PTPN2: variants seen among roughly 807,000 people sequenced by gnomAD.
The protein encoded by PTPN2 is tyrosine-protein phosphatase non-receptor type 2.
In PTPN2, 19 loss-of-function variants were observed where a neutral mutation model predicts 57.3. The observed-to-expected ratio is 0.33, with a 90% CI of 0.23 to 0.49. The LOEUF (loss-of-function observed/expected upper bound fraction) is 0.49. PTPN2 is among the 20% of genes least tolerant of loss of function. The pLI, the probability that PTPN2 is intolerant of heterozygous loss-of-function variation, is 0.99. For missense variants in PTPN2, 358 were observed against 501.1 expected, an observed-to-expected ratio of 0.71 and a Z score of 2.73; for synonymous variants, 153 against 164.9, an observed-to-expected ratio of 0.93 and a Z score of 0.55.
At chr18:12,883,953 T>G (rs1598912948) in intron 1 of PTPN2, 120 bp downstream of exon 1, 1 of 856,196 alleles carries the variant, frequency 1.2e-6, no homozygotes, top group South Asian at 1.8e-5. Context: ...GCGCCGCCAC[T>G]TCCGCCCCGA....
At chr18:12,825,331 T>C (rs1266293508) in intron 5 of PTPN2, among the ~76,000 whole-genome samples, 5 of 152,226 alleles carry the variant, frequency 3.3e-5, no homozygotes, top group Admixed American at 3.3e-4. Context: ...TCACAGGTCC[T>C]GGGAGCTATT....
intron 5 of PTPN2, among the ~76,000 whole-genome samples, chr18:12,824,082 G>A (rs1185829567): frequency 1.3e-5 from 2 of 152,164 alleles, no homozygotes; most frequent in Admixed American, 6.5e-5. Context: ...TGGAAATACA[G>A]TTCTGTTTCT....
In PTPN2 at chr18:12,815,122, AAATAAATAAAT is replaced by A. The variant is rs1471365876; in HGVS notation, c.706-778_706-768del. On this transcript the variant is annotated intron_variant, in intron 6 of 8. Transcript: ENST00000309660. ...TAAATAAATAAATAAATAAATAAAT[AAATAAATAAAT>A]AAAAATGTGGTGGGTCACACCTGTA... Among the ~76,000 whole-genome samples the A allele has an allele frequency of 5.8e-4, 69 of 118,290 alleles. 1 individual carries two copies. Among genetic ancestry groups the A allele is most frequent in the Admixed American group, 1.2e-3 (13 of 11,030 alleles). The allele number at this position is 118,290 out of a possible 152,430, so 77.6% of individuals were successfully genotyped here.
intron 4 of PTPN2, among the ~76,000 whole-genome samples, chr18:12,828,125 G>A (rs2042543290): frequency 6.6e-6 from 1 of 152,126 alleles, no homozygotes; most frequent in African/African-American, 2.4e-5. Flanking sequence ...GAAAAAAAAA[G>A]TTGTTCAAAG....
downstream of PTPN2, among the ~76,000 whole-genome samples, chr18:12,790,328 T>G (rs961573764): frequency 5.3e-5 from 8 of 152,202 alleles, no homozygotes; most frequent in African/African-American, 1.9e-4. Flanking sequence ...TAGGTACTCA[T>G]TATGGTATAC....
rs530147614 is a variant in PTPN2, at chr18:12,858,469, T to C, written c.160+695A>G. Among the ~76,000 whole-genome samples the C allele has an allele frequency of 7.9e-5, 12 of 152,306 alleles. No individual in the cohort carries two copies. The East Asian group carries it at 2.3e-3, about 29-fold the overall frequency. On this transcript the variant is annotated intron_variant, in intron 2 of 8. Coordinates refer to ENST00000309660, the MANE Select transcript of PTPN2 (RefSeq NM_002828.4). The stretch of plus-strand genomic sequence containing the variant: ...ACAATTGTGTGCGTCTGTGTGTGTA[T>C]ACATCATAATCTAAATGTCCAACAA...
intron 7 of PTPN2, among the ~76,000 whole-genome samples, chr18:12,805,213 T>C (rs993173130): frequency 2.6e-5 from 4 of 151,978 alleles, no homozygotes; most frequent in African/African-American, 9.7e-5. Flanking sequence ...TCCCAGCACT[T>C]TGGGAGGCTG....
At chr18:12,821,736 G>A (rs1168979265) in intron 5 of PTPN2, among the ~76,000 whole-genome samples, 1 of 152,174 alleles carries the variant, frequency 6.6e-6, no homozygotes, top group Non-Finnish European at 1.5e-5. Flanking sequence ...ACAAATCCTG[G>A]ATACCCGAAG....
intron 8 of PTPN2, among the ~76,000 whole-genome samples, chr18:12,800,179 T>C (rs1252381011): frequency 2.0e-5 from 3 of 152,174 alleles, no homozygotes; most frequent in Admixed American, 1.3e-4. Context: ...TTATAGACTC[T>C]AGAGTGGTTT....
rs1184779249 is a variant in PTPN2 at position 12,884,101 on chromosome 18, G to T, written c.41C>A (p.Thr14Asn). 2 of 1,587,406 alleles carry T rather than the reference G, an allele frequency of 1.3e-6. No individual in the cohort carries two copies. The highest frequency in any genetic ancestry group is 2.3e-5 in the South Asian group (2 of 87,308). The change falls in exon 1 of 9, where the codon ACT (threonine) becomes AAT (asparagine). Residue 14 changes from threonine (T) to asparagine (N), a missense_variant. By Grantham distance (65) the Thr-to-Asn change is moderately conservative. This residue lies in a region of PTPN2 where 62 missense variants were observed against 47.9 expected (regional missense o/e 1.29). Coordinates refer to ENST00000309660, the MANE Select transcript of PTPN2 (RefSeq NM_002828.4). ...GTACAGCGGCTGCCAGCGACGCTGAGTATCCAACTCTTCGAACTCCCGCTC... is the reference window on the plus strand; with the variant it reads ...GTACAGCGGCTGCCAGCGACGCTGATTATCCAACTCTTCGAACTCCCGCTC... ...TIEREFEELD[T>N]QRRWQPLYLE...
chr18:12,794,871 C>T (rs1264175019), intron 8 of PTPN2, among the ~76,000 whole-genome samples: 1 of 152,170 alleles, frequency 6.6e-6, no homozygotes, highest in Non-Finnish European at 1.5e-5. Context: ...AATTCACCCG[C>T]CTTGGCCTCC....
intron 5 of PTPN2, among the ~76,000 whole-genome samples, chr18:12,817,815 C>T (rs561876042): frequency 1.3e-5 from 2 of 152,290 alleles, no homozygotes; most frequent in Admixed American, 1.3e-4. Flanking sequence ...TTCTTTAATT[C>T]ATGTATCATG....
intron 2 of PTPN2, among the ~76,000 whole-genome samples, chr18:12,837,582 G>A (rs1191531789): frequency 2.0e-5 from 3 of 152,152 alleles, no homozygotes; most frequent in African/African-American, 7.2e-5. Flanking sequence ...AGATGGGAAA[G>A]CAAGAGAAGC....
At chr18:12,823,635 A>G (rs893257044) in intron 5 of PTPN2, among the ~76,000 whole-genome samples, 1 of 152,172 alleles carries the variant, frequency 6.6e-6, no homozygotes, top group Admixed American at 6.5e-5. Flanking sequence ...AGATCATGCC[A>G]CTGCACTCCA....
chr18:12,802,291 G>C (rs965749266), intron 7 of PTPN2, 140 bp from the exon 8 acceptor site: 2 of 685,622 alleles, frequency 2.9e-6, no homozygotes, highest in Non-Finnish European at 4.6e-6. Flanking sequence ...AAAGAAAAAG[G>C]CATTTTGCCA....
Position 12,794,249 on chromosome 18 carries a change from G to A in PTPN2, c.*29C>T. 4 of 1,613,622 alleles carry A rather than the reference G, an allele frequency of 2.5e-6. No homozygotes were observed. The highest frequency in any genetic ancestry group is 3.4e-6 in the Non-Finnish European group (4 of 1,179,826). ...TAATGTAGCACTGTCAGTTACTAGT[G>A]CAGAAGCTTGCTGGGCAAAATTAAT... is the stretch of plus-strand genomic sequence containing the variant. On this transcript the variant is annotated 3_prime_UTR_variant, in exon 9 of 9. Coordinates refer to ENST00000309660, the MANE Select transcript of PTPN2 (RefSeq NM_002828.4).
intron 1 of PTPN2, among the ~76,000 whole-genome samples, chr18:12,872,663 A>G (rs1023755168): frequency 6.6e-6 from 1 of 152,186 alleles, no homozygotes; most frequent in Non-Finnish European, 1.5e-5. Flanking sequence ...CTAAAACCAC[A>G]TGCTAAGTTT....
At position 12,792,880 on chromosome 18, in the gene PTPN2, C is replaced by G. The variant is rs973461632; in HGVS notation, c.*1398G>C. 3 of 972,780 alleles carry G rather than the reference C, an allele frequency of 3.1e-6. No individual in the cohort carries two copies. The South Asian group carries it at 1.4e-4, about 46-fold the overall frequency. The allele number at this position is 972,780 out of a possible 1,614,324, so 60.3% of individuals were successfully genotyped here. On this transcript the variant is annotated 3_prime_UTR_variant, in exon 9 of 9. Coordinates refer to ENST00000309660, the MANE Select transcript of PTPN2 (RefSeq NM_002828.4). ...TGCTGGGATTACAGGCATGAGCCAC[C>G]GCGCCCGACCAAACTGTTTTTAAAT...
rs1439207961 is a variant in PTPN2 at position 12,851,245 on chromosome 18, C to T, written c.160+7919G>A. Among the ~76,000 whole-genome samples the T allele has an allele frequency of 4.8e-4, 4 of 8,416 alleles. 2 individuals carry two copies. In the East Asian group the frequency reaches 8.8e-3, roughly 19 times the overall value. 5.5% of individuals were successfully genotyped at this position (8,416 alleles called of 152,430 possible). Reference sequence around the variant, plus strand: ...CTGTAATCCCAGCACTTTGGGAGGCCGAGGCGGGTGGATCATGAGGTCAGG... The same window carrying T: ...CTGTAATCCCAGCACTTTGGGAGGCTGAGGCGGGTGGATCATGAGGTCAGG... On this transcript the variant is annotated intron_variant, in intron 2 of 8. Coordinates refer to ENST00000309660, the MANE Select transcript of PTPN2 (RefSeq NM_002828.4).
Sources: gnomAD v4.1 joint callset for allele counts (sites outside exome capture counted in the v4.1 genomes callset) on GRCh38, gnomAD v4.1.1 for gene constraint, gnomAD v4.1.1 regional missense constraint, MANE v1.5 for transcripts, NCBI Gene and HGNC (gene_info 2026-07-23, HGNC 2026-07-21) for gene names.